PRELID2: variants seen among roughly 807,000 people sequenced by gnomAD.
PRELID2 encodes the protein PRELI domain-containing protein 2.
PRELID2 carries 25 observed loss-of-function variants against 28.4 expected under a neutral mutation model. The observed-to-expected ratio is 0.88, with a 90% CI of 0.64 to 1.23. The LOEUF (loss-of-function observed/expected upper bound fraction) is 1.23, where lower values mean the gene tolerates loss of function less well. Among genes scored for constraint, PRELID2 ranks in the 50% most tolerant of loss-of-function variants. The pLI is 0.00. For missense variants in PRELID2, 201 were observed against 214.4 expected (o/e 0.94, Z 0.39); for synonymous variants, 76 against 71.6 (o/e 1.06, Z -0.31).
intron 1 of PRELID2, among the ~76,000 whole-genome samples, chr5:145,546,622 A>G (rs1048725003): frequency 1.3e-5 from 2 of 152,142 alleles, no homozygotes; most frequent in African/African-American, 2.4e-5. Flanking sequence ...TCTCTTCCAG[A>G]TAGGAACCCT....
chr5:145,350,881 T>C, the PRELID2 span, among the ~76,000 whole-genome samples: 119 of 152,198 alleles, frequency 7.8e-4, 1 homozygote, highest in African/African-American at 2.8e-3. Context: ...GCATCCTGGC[T>C]TGTGAGATTT....
the PRELID2 span, among the ~76,000 whole-genome samples, chr5:145,408,980 T>A: frequency 1.3e-5 from 2 of 152,194 alleles, no homozygotes; most frequent in Middle Eastern, 6.8e-3. Context: ...AATCATCAGG[T>A]AACCTATACA....
At chr5:145,804,215 T>C (rs910324150) in intron 4 of PRELID2, among the ~76,000 whole-genome samples, 1 of 152,168 alleles carries the variant, frequency 6.6e-6, no homozygotes, top group African/African-American at 2.4e-5. Context: ...CCTTAAAACA[T>C]GGTATTTAAG....
At chr5:145,733,756 C>T (rs1756415186) in intron 1 of PRELID2, among the ~76,000 whole-genome samples, 1 of 152,172 alleles carries the variant, frequency 6.6e-6, no homozygotes, top group Non-Finnish European at 1.5e-5. Flanking sequence ...TCTCAAATGT[C>T]ACCAGTTGTG....
At chr5:145,633,649 A>G (rs766516330) in intron 1 of PRELID2, among the ~76,000 whole-genome samples, 1 of 152,168 alleles carries the variant, frequency 6.6e-6, no homozygotes, top group Admixed American at 6.5e-5. Flanking sequence ...GCTGTTTGCT[A>G]TTTTGATTTC....
the PRELID2 span, among the ~76,000 whole-genome samples, chr5:145,230,283 A>AG: frequency 1.3e-5 from 2 of 152,150 alleles, no homozygotes; most frequent in African/African-American, 4.8e-5. Flanking sequence ...GACAATTAAA[A>AG]GAAAAAAAGG....
intron 1 of PRELID2, among the ~76,000 whole-genome samples, chr5:145,492,275 G>A (rs1170833734): frequency 6.6e-6 from 1 of 152,140 alleles, no homozygotes; most frequent in Non-Finnish European, 1.5e-5. Context: ...CTGATGATTA[G>A]TCATGTTGAG....
At chr5:145,730,740 C>T (rs1236151337) in intron 1 of PRELID2, among the ~76,000 whole-genome samples, 4 of 152,164 alleles carry the variant, frequency 2.6e-5, no homozygotes, top group Admixed American at 6.5e-5. Context: ...TGACTAAGGT[C>T]GGCATGACCA....
chr5:145,725,281 A>T (rs1016418391), intron 1 of PRELID2, among the ~76,000 whole-genome samples: 2 of 152,200 alleles, frequency 1.3e-5, no homozygotes, highest in African/African-American at 4.8e-5. Context: ...TCACATTTAA[A>T]AAACAATGAG....
the PRELID2 span, among the ~76,000 whole-genome samples, chr5:145,413,349 A>G: frequency 1.4e-4 from 10 of 72,162 alleles, no homozygotes; most frequent in African/African-American, 4.8e-4. Context: ...GTTGACATGA[A>G]TGTGAAAAGG....
the PRELID2 span, among the ~76,000 whole-genome samples, chr5:145,297,380 C>G: frequency 1.3e-5 from 2 of 151,912 alleles, no homozygotes; most frequent in Non-Finnish European, 2.9e-5. Context: ...ATGATTATCT[C>G]AATAGATGCA....
intron 1 of PRELID2, among the ~76,000 whole-genome samples, chr5:145,709,286 A>G (rs1007657731): frequency 3.5e-4 from 53 of 152,292 alleles, no homozygotes; most frequent in African/African-American, 1.3e-3. Context: ...CATAGCCACA[A>G]TCATTTCAAA....
intron 1 of PRELID2, among the ~76,000 whole-genome samples, chr5:145,618,762 T>C (rs565177164): frequency 3.3e-5 from 5 of 152,088 alleles, no homozygotes; most frequent in Non-Finnish European, 7.4e-5. Flanking sequence ...ATATGCCCTT[T>C]GTGTTCAGAT....
intron 1 of PRELID2, among the ~76,000 whole-genome samples, chr5:145,611,277 C>T (rs1412224533): frequency 6.6e-6 from 1 of 152,034 alleles, no homozygotes; most frequent in Non-Finnish European, 1.5e-5. Context: ...GATTCTCCTG[C>T]CTCACCCTCC....
At chr5:145,649,520 A>G (rs917685827) in intron 1 of PRELID2, among the ~76,000 whole-genome samples, 5 of 152,138 alleles carry the variant, frequency 3.3e-5, no homozygotes, top group Admixed American at 1.3e-4. Context: ...TGATATTTTT[A>G]ACTTATGATG....
chr5:145,536,731 C>T (rs1228127358), intron 1 of PRELID2, among the ~76,000 whole-genome samples: 1 of 151,656 alleles, frequency 6.6e-6, no homozygotes, highest in Non-Finnish European at 1.5e-5. Flanking sequence ...GGTTTTAAGG[C>T]CCATGTGAAA....
rs1472891426 is a variant in PRELID2, at chr5:145,585,304, G to A, written n.71-111989C>T. Among the ~76,000 whole-genome samples the A allele has an allele frequency of 2.0e-5, 3 of 152,044 alleles. No individual in the cohort carries two copies. The East Asian group carries it at 5.8e-4, about 29-fold the overall frequency. On this transcript the variant is annotated intron_variant and non_coding_transcript_variant, in intron 1 of 2. Coordinates refer to the PRELID2 transcript ENST00000510259. ...CTGTCGTGGTGGGGTGGCGAAGAAG[G>A]GAGAGCTTCAGGAAGAATAGCTAAT... is the stretch of plus-strand genomic sequence containing the variant.
intron 1 of PRELID2, among the ~76,000 whole-genome samples, chr5:145,480,611 A>G (rs771365203): frequency 6.6e-6 from 1 of 152,146 alleles, no homozygotes; most frequent in Non-Finnish European, 1.5e-5. Context: ...TTGATCTTCA[A>G]TGGAGGATAT....
At chr5:145,669,526 C>T (rs1754663839) in intron 1 of PRELID2, among the ~76,000 whole-genome samples, 1 of 152,000 alleles carries the variant, frequency 6.6e-6, no homozygotes, top group African/African-American at 2.4e-5. Context: ...AACTGAACTA[C>T]TTGCTTCTGT....
Sources: gnomAD v4.1 joint callset for allele counts (sites outside exome capture counted in the v4.1 genomes callset) on GRCh38, gnomAD v4.1.1 for gene constraint, MANE v1.5 for transcripts, NCBI Gene and HGNC (gene_info 2026-07-23, HGNC 2026-07-21) for gene names.